The following SYT2 variants were observed in gnomAD, a reference collection of about 807,000 sequenced individuals.
The protein encoded by SYT2 is synaptotagmin-2.
SYT2 carries 15 observed loss-of-function variants against 39.9 expected under a neutral mutation model. The ratio of observed to expected loss-of-function variants is 0.38; its 90% CI spans 0.25 to 0.58. The LOEUF (loss-of-function observed/expected upper bound fraction) is 0.58, where lower values mean the gene tolerates loss of function less well. Ranked by LOEUF, SYT2 falls within the 20% of genes least tolerant of loss-of-function variation. The pLI, the probability that SYT2 is intolerant of heterozygous loss-of-function variation, is 0.70. For synonymous variants in SYT2, 181 were observed against 204.5 expected (o/e 0.89, Z 0.98); for missense variants, 389 against 530.3 (o/e 0.73, Z 2.62).
rs548957351 is a variant in SYT2, at chr1:202,693,132, A to G, written c.-18+17126T>C. Among the ~76,000 whole-genome samples, 13 of 152,244 alleles carry G rather than the reference A, an allele frequency of 8.5e-5. No homozygotes were observed. In the East Asian group the frequency reaches 2.1e-3, roughly 25 times the overall value. Reference sequence around the variant, plus strand: ...TGACCCTACTGTCTGTGAGCAGAGGAGGGCAGCACTGAGCTCTGTCCATGG... The same window carrying G: ...TGACCCTACTGTCTGTGAGCAGAGGGGGGCAGCACTGAGCTCTGTCCATGG... On this transcript the variant is annotated intron_variant, in intron 1 of 8. Coordinates refer to ENST00000367268, the MANE Select transcript of SYT2 (RefSeq NM_177402.5).
At chr1:202,703,642 G>A (rs930534534) in intron 1 of SYT2, among the ~76,000 whole-genome samples, 2 of 152,124 alleles carry the variant, frequency 1.3e-5, no homozygotes, top group East Asian at 3.9e-4. Flanking sequence ...AAGGTCCGGA[G>A]GGAGCCTGTG....
In SYT2 at chr1:202,615,865, G is replaced by A. The variant is rs113978236; in HGVS notation, c.-17-10076C>T. 2.0e-3 allele frequency among the ~76,000 whole-genome samples: 308 copies of A among 152,220 alleles called. 3 individuals are homozygous for A. The highest frequency in any genetic ancestry group is 7.0e-3 in the African/African-American group (290 of 41,518). ...TAGTCTTCTTTTCCCACCATGGTCCGTGGTGCCTACAACTTGTTCGCAATT... is the reference window on the plus strand; with the variant it reads ...TAGTCTTCTTTTCCCACCATGGTCCATGGTGCCTACAACTTGTTCGCAATT... On this transcript the variant is annotated intron_variant, in intron 1 of 8. Transcript: ENST00000367268.
At chr1:202,686,888 G>A (rs918667530) in intron 1 of SYT2, among the ~76,000 whole-genome samples, 1 of 151,950 alleles carries the variant, frequency 6.6e-6, no homozygotes, top group Non-Finnish European at 1.5e-5. Context: ...TTCCCTTTGT[G>A]CATCTGGAAA....
At chr1:202,634,822 G>A (rs1691697837) in intron 1 of SYT2, among the ~76,000 whole-genome samples, 1 of 152,208 alleles carries the variant, frequency 6.6e-6, no homozygotes, top group Non-Finnish European at 1.5e-5. Context: ...CAAATATCCA[G>A]AAGGTGCAAC....
At chr1:202,649,141 G>A (rs551316566) in intron 1 of SYT2, among the ~76,000 whole-genome samples, 2 of 152,376 alleles carry the variant, frequency 1.3e-5, no homozygotes, top group Non-Finnish European at 2.9e-5. Context: ...GGAGGAGCAG[G>A]GCCCAGGCAT....
intron 1 of SYT2, among the ~76,000 whole-genome samples, chr1:202,669,046 C>T (rs372358360): frequency 6.6e-6 from 1 of 152,120 alleles, no homozygotes; most frequent in South Asian, 2.1e-4. Flanking sequence ...GTCTAGGGTA[C>T]AGTTAATAAA....
intron 1 of SYT2, among the ~76,000 whole-genome samples, chr1:202,612,932 C>A (rs1412880633): frequency 2.0e-5 from 3 of 151,930 alleles, no homozygotes; most frequent in Non-Finnish European, 2.9e-5. Context: ...GTATCTTATT[C>A]TTTTTGATGT....
Position 202,645,431 on chromosome 1 carries a change from G to T in SYT2, c.-17-39642C>A, listed in dbSNP as rs1159766048. Among the ~76,000 whole-genome samples the T allele has an allele frequency of 7.9e-5, 12 of 152,302 alleles. No individual in the cohort carries two copies. In the South Asian group the frequency reaches 2.3e-3, roughly 29 times the overall value. On this transcript the variant is annotated intron_variant, in intron 1 of 8. Coordinates refer to ENST00000367268, the MANE Select transcript of SYT2 (RefSeq NM_177402.5). Reference sequence around the variant, plus strand: ...GACTCAAATTTCATTCAGCAGGCTGGATTCAGGTTCGACTTTGGGGTTTCC... The same window carrying T: ...GACTCAAATTTCATTCAGCAGGCTGTATTCAGGTTCGACTTTGGGGTTTCC...
chr1:202,703,199 G>C (rs1490893909), intron 1 of SYT2, among the ~76,000 whole-genome samples: 5 of 152,058 alleles, frequency 3.3e-5, no homozygotes, highest in Non-Finnish European at 7.4e-5. Context: ...CTTGGGGAAG[G>C]CATTTCTGGT....
At chr1:202,607,668 T>A (rs1690752167) in intron 1 of SYT2, among the ~76,000 whole-genome samples, 1 of 152,326 alleles carries the variant, frequency 6.6e-6, no homozygotes, top group African/African-American at 2.4e-5. Flanking sequence ...TATTTAACTC[T>A]TACTGTCTGC....
Position 202,601,386 on chromosome 1 carries a change from T to C in SYT2, c.801+504A>G, listed in dbSNP as rs1448841702. On this transcript the variant is annotated intron_variant, in intron 6 of 8. Coordinates refer to ENST00000367268, the MANE Select transcript of SYT2 (RefSeq NM_177402.5). The surrounding 1 kb of genome is among the most constrained non-coding windows in gnomAD (Gnocchi z 4.0). Reference sequence around the variant, plus strand: ...GGCCCTGGCCAAGACAAATGATTGATGCCCAGAAGGAAGAATGGCTAAAAT... The same window carrying C: ...GGCCCTGGCCAAGACAAATGATTGACGCCCAGAAGGAAGAATGGCTAAAAT... Among the ~76,000 whole-genome samples the C allele has an allele frequency of 6.6e-6, 1 of 152,226 alleles. No individual in the cohort carries two copies. The highest frequency in any genetic ancestry group is 1.5e-5 in the Non-Finnish European group (1 of 68,036).
intron 1 of SYT2, among the ~76,000 whole-genome samples, chr1:202,682,352 C>T (rs968539907): frequency 6.6e-6 from 1 of 152,300 alleles, no homozygotes; most frequent in South Asian, 2.1e-4. Context: ...GTACCATCTA[C>T]GTGGGCATAA....
chr1:202,691,905 G>A (rs1028350038), intron 1 of SYT2, among the ~76,000 whole-genome samples: 1 of 152,062 alleles, frequency 6.6e-6, no homozygotes, highest in African/African-American at 2.4e-5. Flanking sequence ...GGCCAGAAAT[G>A]TGGTGCAGCC....
chr1:202,684,949 A>C (rs1463907646), intron 1 of SYT2, among the ~76,000 whole-genome samples: 1 of 152,174 alleles, frequency 6.6e-6, no homozygotes, highest in African/African-American at 2.4e-5. Context: ...AAGGTATTCC[A>C]GGAATATCTG....
rs983564848 is a variant in SYT2, at chr1:202,594,400, G to A, written c.*2357C>T. 6.6e-6 allele frequency: 1 copy of A among 152,248 alleles called. No homozygotes were observed. Among genetic ancestry groups the A allele is most frequent in the African/African-American group, 2.4e-5 (1 of 41,424 alleles). 9.4% of individuals were successfully genotyped at this position (152,248 alleles called of 1,614,324 possible). A position where few individuals can be genotyped will look rare whatever the true frequency, so the allele number is the denominator to read the frequency against. On this transcript the variant is annotated 3_prime_UTR_variant, in exon 9 of 9. Transcript: ENST00000367268. ...AGGTGGTAGAAGATGAATTGGGAAA[G>A]GGCAAAGGAGTAAAGGTAGAGGGGA...
At chr1:202,694,158 G>T (rs1314332394) in intron 1 of SYT2, among the ~76,000 whole-genome samples, 1 of 152,174 alleles carries the variant, frequency 6.6e-6, no homozygotes, top group African/African-American at 2.4e-5. Context: ...ATTTGGAGGG[G>T]ATGAACATCC....
chr1:202,620,324 AC>A (rs1297384269), intron 1 of SYT2, among the ~76,000 whole-genome samples: 1 of 152,098 alleles, frequency 6.6e-6, no homozygotes, highest in East Asian at 1.9e-4. Flanking sequence ...CCCTGCACAG[AC>A]CCTAAAACAT....
chr1:202,617,204 C>G (rs1372258821), intron 1 of SYT2, among the ~76,000 whole-genome samples: 1 of 152,200 alleles, frequency 6.6e-6, no homozygotes, highest in Non-Finnish European at 1.5e-5. Context: ...TTCAAGGAGC[C>G]AAAGCCTATG....
intron 1 of SYT2, among the ~76,000 whole-genome samples, chr1:202,683,459 C>T (rs528283009): frequency 2.0e-5 from 3 of 152,070 alleles, no homozygotes; most frequent in East Asian, 1.9e-4. Flanking sequence ...TGTATACTGG[C>T]GAATGTGGTG....
Sources: allele counts gnomAD v4.1 joint callset (sites outside exome capture counted in the v4.1 genomes callset), GRCh38; gene constraint gnomAD v4.1.1; non-coding constraint Gnocchi (gnomAD v3.1); transcripts MANE v1.5; gene names NCBI Gene and HGNC (gene_info 2026-07-23, HGNC 2026-07-21).